The following ULK4 variants were observed in gnomAD, a reference collection of about 807,000 sequenced individuals.
The protein encoded by ULK4 is inactive serine/threonine-protein kinase ULK4.
In ULK4, 133 loss-of-function variants were observed where a neutral mutation model predicts 160.6. That is an observed-to-expected ratio of 0.83 (90% CI 0.72 to 0.96). The LOEUF (loss-of-function observed/expected upper bound fraction) is 0.96, where lower values mean the gene tolerates loss of function less well. Among genes scored for constraint, ULK4 ranks in the 40% least tolerant of loss-of-function variants. The pLI is 0.00. For missense variants in ULK4, 1,580 were observed against 1,499.5 expected, an observed-to-expected ratio of 1.05 and a Z score of -0.89; for synonymous variants, 534 against 539.8, an observed-to-expected ratio of 0.99 and a Z score of 0.15.
chr3:41,276,012 C>T (rs1397943084), intron 35 of ULK4, among the ~76,000 whole-genome samples: 1 of 152,198 alleles, frequency 6.6e-6, no homozygotes. Context: ...TTCCATTCCA[C>T]AATGACAGAA....
At chr3:41,407,075 A>G (rs1335987739) in intron 34 of ULK4, among the ~76,000 whole-genome samples, 1 of 152,214 alleles carries the variant, frequency 6.6e-6, no homozygotes, top group East Asian at 1.9e-4. Flanking sequence ...TTATAGGACA[A>G]GGCAGCTAGA....
At chr3:41,516,313 T>G (rs1332207452) in intron 32 of ULK4, among the ~76,000 whole-genome samples, 2 of 152,218 alleles carry the variant, frequency 1.3e-5, no homozygotes, top group Admixed American at 1.3e-4. Context: ...AATACTGTAC[T>G]TTCTGCACTC....
chr3:41,505,864 A>C lies in ULK4; in HGVS notation c.3227-42611T>G, dbSNP rs1030758036. ...AATACAACATTTAATAAAAGTGGTC[A>C]TGGTGGACATCTTTGTCTTGCTCCC... On this transcript the variant is annotated intron_variant, in intron 32 of 36. Coordinates refer to ENST00000301831, the MANE Select transcript of ULK4 (RefSeq NM_017886.4). Among the ~76,000 whole-genome samples the C allele has an allele frequency of 3.9e-5, 6 of 152,164 alleles. No homozygotes were observed. In the East Asian group the frequency reaches 9.6e-4, roughly 24 times the overall value.
At chr3:41,961,550 A>ACCCCCCCTCCCC (rs1700669869) in intron 1 of ULK4, among the ~76,000 whole-genome samples, 1 of 124,688 alleles carries the variant, frequency 8.0e-6, no homozygotes, top group African/African-American at 4.3e-5. Context: ...GTAGTCACTC[A>ACCCCCCCTCCCC]CCCCCCCCCC....
intron 32 of ULK4, among the ~76,000 whole-genome samples, chr3:41,463,924 G>GA (rs1368042758): frequency 6.6e-6 from 1 of 150,568 alleles, no homozygotes; most frequent in Non-Finnish European, 1.5e-5. Context: ...CAACAAAAGT[G>GA]AAATTACAAC....
chr3:41,874,730 A>C (rs182772135), intron 17 of ULK4, among the ~76,000 whole-genome samples: 1 of 152,334 alleles, frequency 6.6e-6, no homozygotes, highest in Non-Finnish European at 1.5e-5. Flanking sequence ...AGAGGGATTA[A>C]AAAGACTACA....
At chr3:41,516,793 CAAT>C (rs2085764074) in intron 32 of ULK4, among the ~76,000 whole-genome samples, 1 of 151,986 alleles carries the variant, frequency 6.6e-6, no homozygotes, top group African/African-American at 2.4e-5. Context: ...TGACTATAGT[CAAT>C]AATAATTGTT....
At chr3:41,446,440 G>A (rs2083298464) in intron 34 of ULK4, among the ~76,000 whole-genome samples, 1 of 151,984 alleles carries the variant, frequency 6.6e-6, no homozygotes, top group Non-Finnish European at 1.5e-5. Context: ...TGTTTACTGA[G>A]GCACTATTCA....
intron 27 of ULK4, among the ~76,000 whole-genome samples, chr3:41,697,814 T>C (rs1575581866): frequency 6.6e-6 from 1 of 152,154 alleles, no homozygotes; most frequent in South Asian, 2.1e-4. Context: ...ATAAAGTTAA[T>C]GTAACTTAAG....
chr3:41,466,963 T>C (rs982622107), intron 32 of ULK4, among the ~76,000 whole-genome samples: 2 of 152,176 alleles, frequency 1.3e-5, no homozygotes, highest in Admixed American at 1.3e-4. Flanking sequence ...TCAATATCAC[T>C]ATCATCAGGG....
chr3:41,271,138 G>A (rs1316064049), intron 35 of ULK4, among the ~76,000 whole-genome samples: 1 of 152,022 alleles, frequency 6.6e-6, no homozygotes, highest in Non-Finnish European at 1.5e-5. Flanking sequence ...GTATACAATT[G>A]TGAAACCAAC....
At chr3:41,335,901 T>C (rs563838746) in intron 35 of ULK4, among the ~76,000 whole-genome samples, 1 of 152,332 alleles carries the variant, frequency 6.6e-6, no homozygotes, top group African/African-American at 2.4e-5. Context: ...CTCTACATTC[T>C]TTTAAAGAAA....
At chr3:41,664,425 C>T (rs2035287189) in intron 29 of ULK4, among the ~76,000 whole-genome samples, 2 of 152,066 alleles carry the variant, frequency 1.3e-5, no homozygotes, top group South Asian at 4.2e-4. Context: ...GGGTCACACG[C>T]AGCACACTCT....
intron 2 of ULK4, among the ~76,000 whole-genome samples, chr3:41,949,507 A>G (rs745579297): frequency 6.8e-6 from 1 of 147,940 alleles, no homozygotes; most frequent in South Asian, 2.1e-4. Flanking sequence ...ATCTCAGCTC[A>G]CTGCAACCTC....
intron 19 of ULK4, among the ~76,000 whole-genome samples, chr3:41,801,187 G>A (rs2040449057): frequency 6.6e-6 from 1 of 151,998 alleles, no homozygotes; most frequent in Non-Finnish European, 1.5e-5. Flanking sequence ...GATAAATAAT[G>A]CAATGTCTTA....
chr3:41,462,991 T>G, intron 33 of ULK4, 96 bp downstream of exon 33: 1 of 1,400,000 alleles, frequency 7.1e-7, no homozygotes. Context: ...TTTAAATAAG[T>G]AAAGACACAA....
At chr3:41,887,097 G>C (rs72864565) in intron 16 of ULK4, among the ~76,000 whole-genome samples, 2,113 of 152,244 alleles carry the variant, frequency 0.014, 45 homozygotes, top group African/African-American at 0.048. Context: ...TTACTCAGTG[G>C]GAGTCTGTAT....
chr3:41,366,548 TACACACACAC>T (rs148305509), intron 35 of ULK4, among the ~76,000 whole-genome samples: 7 of 148,688 alleles, frequency 4.7e-5, no homozygotes, highest in South Asian at 4.3e-4. Context: ...AAAATATGGC[TACACACACAC>T]ACACACACAC....
At chr3:41,540,968 C>A (rs2086676130) in intron 32 of ULK4, among the ~76,000 whole-genome samples, 1 of 152,114 alleles carries the variant, frequency 6.6e-6, no homozygotes, top group Non-Finnish European at 1.5e-5. Flanking sequence ...AATTTTCTCC[C>A]ATTCTGTAGG....
Sources: allele counts gnomAD v4.1 joint callset (sites outside exome capture counted in the v4.1 genomes callset), GRCh38; gene constraint gnomAD v4.1.1; transcripts MANE v1.5; gene names NCBI Gene and HGNC (gene_info 2026-07-23, HGNC 2026-07-21).